The following PLCZ1 variants were observed in gnomAD, a reference collection of about 807,000 sequenced individuals.
PLCZ1 encodes the protein 1-phosphatidylinositol 4,5-bisphosphate phosphodiesterase zeta-1.
Under a neutral mutation model 76.8 loss-of-function variants are expected in PLCZ1, and 64 were observed. The ratio of observed to expected loss-of-function variants is 0.83; its 90% CI spans 0.68 to 1.03. PLCZ1 has a LOEUF of 1.03. Among genes scored for constraint, PLCZ1 ranks in the 50% least tolerant of loss-of-function variants. The pLI is 0.00. For synonymous variants in PLCZ1, 248 were observed against 230.8 expected (o/e 1.07, Z -0.68); for missense variants, 751 against 713.7 (o/e 1.05, Z -0.60).
the PLCZ1 span, among the ~76,000 whole-genome samples, chr12:18,661,677 A>T: frequency 2.0e-5 from 3 of 152,138 alleles, no homozygotes; most frequent in African/African-American, 7.2e-5. Flanking sequence ...AGAAAAGGGG[A>T]TGCTTATACA....
At chr12:18,718,450 A>G (rs17421884) in intron 5 of PLCZ1, among the ~76,000 whole-genome samples, 4,119 of 152,154 alleles carry the variant, frequency 0.027, 91 homozygotes, top group Non-Finnish European at 0.043. Context: ...CATGCTCTAC[A>G]AGATCCTCAT....
chr12:18,654,414 GC>G, the PLCZ1 span, among the ~76,000 whole-genome samples: 17,518 of 151,874 alleles, frequency 0.12, 1,266 homozygotes, highest in African/African-American at 0.2. Context: ...TAAAGTATCA[GC>G]ATTATTGTAA....
At chr12:18,652,114 T>C in the PLCZ1 span, among the ~76,000 whole-genome samples, 1 of 152,138 alleles carries the variant, frequency 6.6e-6, no homozygotes, top group African/African-American at 2.4e-5. Flanking sequence ...TCCCCAAAAT[T>C]GATAGGTTGA....
At chr12:18,669,613 G>A in the PLCZ1 span, among the ~76,000 whole-genome samples, 1 of 151,954 alleles carries the variant, frequency 6.6e-6, no homozygotes, top group Non-Finnish European at 1.5e-5. Context: ...AGTTGCCTTT[G>A]CAGCTGAATC....
At chr12:18,647,294 AAG>A in the PLCZ1 span, among the ~76,000 whole-genome samples, 1 of 152,004 alleles carries the variant, frequency 6.6e-6, no homozygotes, top group Non-Finnish European at 1.5e-5. Context: ...GAGATTCCAA[AAG>A]AGAGAAGAAA....
chr12:18,701,639 C>T, intron 8 of PLCZ1, 53 bp downstream of exon 8: 1 of 1,572,560 alleles, frequency 6.4e-7, no homozygotes, highest in Non-Finnish European at 8.6e-7. Context: ...CCTCCTCCTC[C>T]TCCTCCTCCT....
intron 10 of PLCZ1, 26 bp downstream of exon 10, chr12:18,699,768 C>T: frequency 6.3e-7 from 1 of 1,596,892 alleles, no homozygotes; most frequent in Non-Finnish European, 8.6e-7. Context: ...TTAAACATTT[C>T]ATCTATTTGA....
chr12:18,713,217 A>G (rs1212888175), intron 5 of PLCZ1, among the ~76,000 whole-genome samples: 2 of 152,016 alleles, frequency 1.3e-5, no homozygotes, highest in Admixed American at 6.6e-5. Context: ...TCGCTAGTCA[A>G]ATGTTTTACT....
the PLCZ1 span, among the ~76,000 whole-genome samples, chr12:18,654,294 TAAAAA>T: frequency 7.0e-6 from 1 of 142,672 alleles, no homozygotes; most frequent in Non-Finnish European, 1.5e-5. Context: ...CACTAGTACC[TAAAAA>T]AAAAAAAAAA....
chr12:18,681,982 C>T (rs141720227), downstream of PLCZ1, among the ~76,000 whole-genome samples: 124 of 152,128 alleles, frequency 8.2e-4, 3 homozygotes, highest in Non-Finnish European at 2.9e-5. Context: ...AAACTCCCTC[C>T]TGCTGTCATG....
At chr12:18,720,035 C>T (rs985451348) in intron 4 of PLCZ1, among the ~76,000 whole-genome samples, 1 of 152,084 alleles carries the variant, frequency 6.6e-6, no homozygotes, top group Non-Finnish European at 1.5e-5. Flanking sequence ...CCAAGTATAT[C>T]AACTGATCTG....
the PLCZ1 span, among the ~76,000 whole-genome samples, chr12:18,671,374 G>A: frequency 1.3e-5 from 2 of 152,006 alleles, no homozygotes; most frequent in East Asian, 3.9e-4. Context: ...GGAAGAAACA[G>A]ACACATGTAG....
intron 6 of PLCZ1, among the ~76,000 whole-genome samples, chr12:18,706,225 C>G (rs1193664876): frequency 6.7e-6 from 1 of 150,086 alleles, no homozygotes; most frequent in African/African-American, 2.5e-5. Flanking sequence ...GAATGAGACT[C>G]TGTCTCAAAA....
At chr12:18,704,108 A>G (rs1228717377) in intron 7 of PLCZ1, among the ~76,000 whole-genome samples, 1 of 152,196 alleles carries the variant, frequency 6.6e-6, no homozygotes, top group Non-Finnish European at 1.5e-5. Context: ...TACAACAGAA[A>G]GTAATTCAGG....
intron 2 of PLCZ1, chr12:18,736,805 T>C: frequency 1.7e-6 from 1 of 592,682 alleles, no homozygotes; most frequent in South Asian, 1.5e-5. Flanking sequence ...ACACAGTTTC[T>C]GCTACTTAGT....
the PLCZ1 span, chr12:18,648,464 C>T: frequency 1.1e-5 from 2 of 187,428 alleles, no homozygotes; most frequent in East Asian, 1.8e-4. Flanking sequence ...ATTATATATA[C>T]TTATACCTAC....
At chr12:18,650,704 GTATATATCTATATATATATATA>G in the PLCZ1 span, among the ~76,000 whole-genome samples, 499 of 57,744 alleles carry the variant, frequency 8.6e-3, 14 homozygotes, top group African/African-American at 0.026. Flanking sequence ...GTGTGTGTGT[GTATATATCTATATATATATATA>G]TATATATATA....
intron 13 of PLCZ1, among the ~76,000 whole-genome samples, chr12:18,687,427 C>CG: frequency 6.6e-6 from 1 of 152,142 alleles, no homozygotes; most frequent in African/African-American, 2.4e-5. Flanking sequence ...TCAAGGTGAT[C>CG]CTGACCAGGG....
At chr12:18,681,682 G>A (rs533842669), downstream of PLCZ1, among the ~76,000 whole-genome samples, 10 of 152,052 alleles carry the variant, frequency 6.6e-5, no homozygotes, top group Middle Eastern at 3.4e-3. Context: ...AATATTTCTC[G>A]CAAAGTCCGT....
Sources: gnomAD v4.1 joint callset for allele counts (sites outside exome capture counted in the v4.1 genomes callset) on GRCh38, gnomAD v4.1.1 for gene constraint, MANE v1.5 for transcripts, NCBI Gene and HGNC (gene_info 2026-07-23, HGNC 2026-07-21) for gene names.